Variants in PTPRN2 observed in about 807,000 individuals in gnomAD.
PTPRN2 encodes receptor-type tyrosine-protein phosphatase N2.
PTPRN2 carries 74 observed loss-of-function variants against 118.8 expected under a neutral mutation model. That is an observed-to-expected ratio of 0.62 (90% CI 0.52 to 0.76). The LOEUF (loss-of-function observed/expected upper bound fraction) is 0.76, where lower values mean the gene tolerates loss of function less well. Ranked by LOEUF, PTPRN2 falls within the 30% of genes least tolerant of loss-of-function variation. The pLI, the probability that PTPRN2 is intolerant of heterozygous loss-of-function variation, is 0.00. For synonymous variants in PTPRN2, 641 were observed against 608.0 expected (o/e 1.05, Z -0.80); for missense variants, 1,481 against 1,394.4 (o/e 1.06, Z -0.99).
chr7:158,569,772 G>A (rs1323064923), intron 1 of PTPRN2, among the ~76,000 whole-genome samples: 1 of 135,444 alleles, frequency 7.4e-6, no homozygotes, highest in Admixed American at 7.1e-5. Context: ...TGACAGGAAC[G>A]CGGGGCGCGA....
chr7:157,770,871 C>T (rs150727154), intron 12 of PTPRN2, among the ~76,000 whole-genome samples: 227 of 152,200 alleles, frequency 1.5e-3, no homozygotes, highest in African/African-American at 5.3e-3. Flanking sequence ...GGGCTGTGGG[C>T]CCGCTTGGCC....
intron 3 of PTPRN2, among the ~76,000 whole-genome samples, chr7:158,299,273 A>G (rs1800708100): frequency 6.6e-6 from 1 of 151,246 alleles, no homozygotes; most frequent in South Asian, 2.1e-4. Flanking sequence ...ACCTTTCTGC[A>G]GATGCACGCA....
intron 11 of PTPRN2, among the ~76,000 whole-genome samples, 158 bp downstream of exon 11, chr7:158,081,140 C>G (rs1467903863): frequency 6.6e-6 from 1 of 152,232 alleles, no homozygotes. Flanking sequence ...CCCCTCACTG[C>G]ACACCAGATT....
rs34291428 is a variant in PTPRN2, at chr7:158,049,902, C to CA, written c.1723+31395dup. Reference sequence around the variant, plus strand: ...TGGGCAACACAGCAAGATTCCATCTCAAAAAAAAAAATGCAACCTGATAGA... The same window carrying CA: ...TGGGCAACACAGCAAGATTCCATCTCAAAAAAAAAAAATGCAACCTGATAGA... On this transcript the variant is annotated intron_variant, in intron 11 of 22. Coordinates refer to ENST00000389418, the MANE Select transcript of PTPRN2 (RefSeq NM_002847.5). 6.2e-3 allele frequency among the ~76,000 whole-genome samples: 935 copies of CA among 149,642 alleles called. 3 individuals are homozygous for CA. Among genetic ancestry groups the CA allele is most frequent in the Non-Finnish European group, 0.01 (698 of 67,374 alleles).
chr7:158,216,608 T>A lies in PTPRN2; in HGVS notation c.278-11335A>T, dbSNP rs189532117. Among the ~76,000 whole-genome samples, 433 of 152,232 alleles carry A rather than the reference T, an allele frequency of 2.8e-3. 1 individual carries two copies. Among genetic ancestry groups the A allele is most frequent in the African/African-American group, 9.8e-3 (406 of 41,560 alleles). ...TAACATTTAGAGTAAAGAAAATGGC[T>A]ACAGAGAAGGGAATTACAGAGTTAT... On this transcript the variant is annotated intron_variant, in intron 3 of 22. Coordinates refer to ENST00000389418, the MANE Select transcript of PTPRN2 (RefSeq NM_002847.5).
intron 12 of PTPRN2, among the ~76,000 whole-genome samples, chr7:157,760,454 G>C (rs1802064765): frequency 6.6e-6 from 1 of 152,064 alleles, no homozygotes; most frequent in South Asian, 2.1e-4. Flanking sequence ...GCCCTCGAGA[G>C]ATCATTATCT....
chr7:158,337,398 G>C lies in PTPRN2; in HGVS notation c.164-20466C>G, dbSNP rs537694890. Among the ~76,000 whole-genome samples the C allele has an allele frequency of 3.9e-3, 505 of 131,098 alleles. 3 individuals are homozygous for C. The highest frequency in any genetic ancestry group is 0.015 in the African/African-American group (472 of 31,572). The allele number at this position is 131,098 out of a possible 152,430, so 86.0% of individuals were successfully genotyped here. On this transcript the variant is annotated intron_variant, in intron 2 of 22. Transcript: ENST00000389418. ...ACTCTCACCATAAGAGGTAACACCT[G>C]CAGACGTCCCTCACACCCACACTCT...
chr7:158,125,765 A>C (rs1754188850), intron 9 of PTPRN2, among the ~76,000 whole-genome samples: 4 of 152,144 alleles, frequency 2.6e-5, no homozygotes, highest in African/African-American at 9.7e-5. Flanking sequence ...GAAGAACAAA[A>C]CAGAACCCCT....
intron 11 of PTPRN2, among the ~76,000 whole-genome samples, chr7:157,901,964 C>T (rs373007411): frequency 2.6e-5 from 4 of 151,096 alleles, no homozygotes; most frequent in Non-Finnish European, 4.4e-5. Flanking sequence ...GGGGCCTTCC[C>T]GTCCGTGTTT....
chr7:157,966,841 C>G (rs1801977842), intron 11 of PTPRN2, among the ~76,000 whole-genome samples: 1 of 152,162 alleles, frequency 6.6e-6, no homozygotes, highest in Non-Finnish European at 1.5e-5. Context: ...TTATCACCAT[C>G]ATCACAATGG....
chr7:158,104,301 G>C (rs779601467), intron 10 of PTPRN2, among the ~76,000 whole-genome samples: 1 of 152,210 alleles, frequency 6.6e-6, no homozygotes, highest in Non-Finnish European at 1.5e-5. Flanking sequence ...ATGGAGGTCA[G>C]GTGAATCTCA....
chr7:157,791,571 C>T (rs1563113127), intron 12 of PTPRN2, among the ~76,000 whole-genome samples: 1 of 148,326 alleles, frequency 6.7e-6, no homozygotes. Flanking sequence ...TCCCTGCACC[C>T]GCCCCCCCTC....
chr7:158,120,906 C>T (rs956073140), intron 9 of PTPRN2, among the ~76,000 whole-genome samples: 1 of 152,218 alleles, frequency 6.6e-6, no homozygotes, highest in Non-Finnish European at 1.5e-5. Flanking sequence ...AATGACCCAC[C>T]ACAGCCGGCT....
chr7:157,895,062 A>AG (rs1288370110), intron 12 of PTPRN2, among the ~76,000 whole-genome samples: 1 of 150,862 alleles, frequency 6.6e-6, no homozygotes, highest in Non-Finnish European at 1.5e-5. Context: ...CCCCCACAGG[A>AG]GGGGGTCAGC....
At chr7:158,487,822 G>C (rs991256156) in intron 2 of PTPRN2, among the ~76,000 whole-genome samples, 4 of 151,998 alleles carry the variant, frequency 2.6e-5, no homozygotes, top group East Asian at 3.9e-4. Flanking sequence ...TCTAAGACTG[G>C]GCACCACTGG....
In PTPRN2 at chr7:158,524,588, C is replaced by T. The variant is rs971488951; in HGVS notation, c.113-34803G>A. Among the ~76,000 whole-genome samples, 4 of 151,904 alleles carry T rather than the reference C, an allele frequency of 2.6e-5. No individual in the cohort carries two copies. The East Asian group carries it at 5.8e-4, about 22-fold the overall frequency. On this transcript the variant is annotated intron_variant, in intron 1 of 22. Transcript: ENST00000389418. ...AGTGAAGCCAGATCGCTGAGGAGTGCGAGGAAAGCTGTTGGTTGTTATGGT... is the reference window on the plus strand; with the variant it reads ...AGTGAAGCCAGATCGCTGAGGAGTGTGAGGAAAGCTGTTGGTTGTTATGGT...
At chr7:158,014,186 C>T (rs536110183) in intron 11 of PTPRN2, among the ~76,000 whole-genome samples, 16 of 147,638 alleles carry the variant, frequency 1.1e-4, no homozygotes, top group South Asian at 6.7e-4. Flanking sequence ...CTACCCCATC[C>T]GTCATTTGTC....
At chr7:157,948,419 G>A (rs1800611210) in intron 11 of PTPRN2, among the ~76,000 whole-genome samples, 1 of 151,966 alleles carries the variant, frequency 6.6e-6, no homozygotes, top group Non-Finnish European at 1.5e-5. Context: ...AATTCCCATG[G>A]TAACCACTAA....
intron 11 of PTPRN2, among the ~76,000 whole-genome samples, chr7:158,077,440 C>T (rs1381970567): frequency 1.3e-5 from 2 of 152,142 alleles, no homozygotes; most frequent in African/African-American, 4.8e-5. Context: ...AGCTGAATGC[C>T]GTGTCTTAGA....
Sources: allele counts gnomAD v4.1 joint callset (sites outside exome capture counted in the v4.1 genomes callset), GRCh38; gene constraint gnomAD v4.1.1; transcripts MANE v1.5; gene names NCBI Gene and HGNC (gene_info 2026-07-23, HGNC 2026-07-21).